PPP6R2: variants seen among roughly 807,000 people sequenced by gnomAD.
PPP6R2 encodes serine/threonine-protein phosphatase 6 regulatory subunit 2.
A neutral mutation model predicts 100.2 loss-of-function variants in PPP6R2; 62 were observed. That is an observed-to-expected ratio of 0.62 (90% CI 0.50 to 0.76). The LOEUF (loss-of-function observed/expected upper bound fraction) is 0.76, where lower values mean the gene tolerates loss of function less well. PPP6R2 is among the 30% of genes least tolerant of loss of function. PPP6R2 has a pLI of 0.00. For synonymous variants in PPP6R2, 525 were observed against 514.7 expected (o/e 1.02, Z -0.27); for missense variants, 1,142 against 1,276.3 (o/e 0.89, Z 1.60).
intron 6 of PPP6R2, among the ~76,000 whole-genome samples, chr22:50,416,622 T>G (rs1407299222): frequency 1.3e-5 from 2 of 151,900 alleles, no homozygotes; most frequent in African/African-American, 2.4e-5. Flanking sequence ...TGAGCCACCA[T>G]GCCTGGCCTA....
At chr22:50,437,368 A>C in intron 15 of PPP6R2, 138 bp from the exon 16 acceptor site, 1 of 681,546 alleles carries the variant, frequency 1.5e-6, no homozygotes, top group Admixed American at 2.2e-5. Flanking sequence ...CCCTGAACAG[A>C]GTTTACTGCC....
Position 50,431,239 on chromosome 22 carries a change from A to C in PPP6R2, c.1192A>C (p.Ile398Leu). Residue 398 changes from isoleucine (I) to leucine (L), a missense_variant, in exon 11 of 24, where the codon ATT becomes CTT. Ile to Leu is a conservative substitution (Grantham distance 5). Around this residue, in one of 2 missense-constraint regions of PPP6R2, gnomAD observed 592 missense variants for 758.9 expected, o/e 0.78. Transcript: ENST00000612753. The surrounding 1 kb of genome is among the most constrained non-coding windows in gnomAD (Gnocchi z 4.8). ...CCAAGTGGAACTATGCATAGCCGCT[A>C]TTCTCTCCCACGCTGCCCGTGAGGA... ...HFQVELCIAAILSHAAREERT... is the reference protein window; with the variant it reads ...HFQVELCIAALLSHAAREERT... 1 of 1,613,866 alleles carries C rather than the reference A, an allele frequency of 6.2e-7. No individual in the cohort carries two copies. The highest frequency in any genetic ancestry group is 8.5e-7 in the Non-Finnish European group (1 of 1,180,012).
rs2065454375 is a variant in PPP6R2 at position 50,441,002 on chromosome 22, C to T, written c.2555C>T (p.Ala852Val). ...GAGGCCCCCCCGCTGCCCACAGTGG[C>T]CAGGACAGAGGAGGCTGTCGGCAGG... ...GREAPPLPTV[A>V]RTEEAVGRVG... The change falls in exon 22 of 24, where the codon GCC becomes GTC. Residue 852 changes from alanine (A) to valine (V), a missense_variant. Ala to Val is a moderately conservative substitution (Grantham distance 64). Transcript: ENST00000612753. 5.0e-6 allele frequency: 8 copies of T among 1,604,726 alleles called. No individual in the cohort carries two copies. In the South Asian group the frequency reaches 7.7e-5, roughly 15 times the overall value.
chr22:50,411,184 A>G (rs2059691788), intron 4 of PPP6R2, among the ~76,000 whole-genome samples: 1 of 152,208 alleles, frequency 6.6e-6, no homozygotes, highest in Non-Finnish European at 1.5e-5. Flanking sequence ...CTTGGCCAGG[A>G]GCAGTGGCTC....
At chr22:50,416,193 C>G in intron 6 of PPP6R2, 36 bp downstream of exon 6, 2 of 1,580,082 alleles carry the variant, frequency 1.3e-6, no homozygotes, top group Non-Finnish European at 1.7e-6. Context: ...GTGCATCAGT[C>G]CAGGCCTGTG....
intron 4 of PPP6R2, among the ~76,000 whole-genome samples, chr22:50,412,606 GTTTC>G (rs1295089513): frequency 4.1e-5 from 4 of 96,896 alleles, no homozygotes; most frequent in African/African-American, 1.5e-4. Flanking sequence ...TTCTGATTTT[GTTTC>G]TTGTCAGTTT....
At chr22:50,421,758 A>G (rs1477027766) in intron 8 of PPP6R2, among the ~76,000 whole-genome samples, 3 of 152,002 alleles carry the variant, frequency 2.0e-5, no homozygotes, top group Non-Finnish European at 4.4e-5. Flanking sequence ...TAAAAATACA[A>G]AAAGGAGGCT....
intron 4 of PPP6R2, among the ~76,000 whole-genome samples, chr22:50,410,469 CTTTTTTTTTTTT>C (rs200178930): frequency 0.37 from 39,826 of 107,476 alleles, 6,499 homozygotes; most frequent in African/African-American, 0.51. Flanking sequence ...TGAGTGGTGT[CTTTTTTTTTTTT>C]TTTTTTTTTT....
At chr22:50,335,988 G>GT in the PPP6R2 span, among the ~76,000 whole-genome samples, 3 of 150,030 alleles carry the variant, frequency 2.0e-5, no homozygotes, top group African/African-American at 4.9e-5. Flanking sequence ...AATGTTGAAT[G>GT]TTTTTTTTCT....
intron 1 of PPP6R2, among the ~76,000 whole-genome samples, chr22:50,351,486 TC>T (rs2045252277): frequency 6.6e-6 from 1 of 151,408 alleles, no homozygotes; most frequent in African/African-American, 2.4e-5. Flanking sequence ...GCTATGAAAA[TC>T]CTAGATGGCA....
chr22:50,349,093 G>T (rs2044394805), intron 1 of PPP6R2, among the ~76,000 whole-genome samples: 1 of 151,260 alleles, frequency 6.6e-6, no homozygotes. Flanking sequence ...TACTCAGGAG[G>T]CTGGGGCAGG....
intron 19 of PPP6R2, among the ~76,000 whole-genome samples, 177 bp from the exon 20 acceptor site, chr22:50,439,524 G>A (rs117618957): frequency 0.014 from 2,063 of 152,196 alleles, 22 homozygotes; most frequent in Non-Finnish European, 0.022. Context: ...CAGGACCCTC[G>A]AGCTGTCCCC....
Position 50,439,864 on chromosome 22 carries a change from A to T in PPP6R2, c.2285+7A>T, listed in dbSNP as rs758993022. On this transcript the variant is annotated splice_region_variant and intron_variant, in intron 20 of 23. Coordinates refer to ENST00000612753, the MANE Select transcript of PPP6R2 (RefSeq NM_001242898.2). ...ACTTCCAACCTTTCTGCTGGTAACA[A>T]ATGCGCTGGCAGGAGGGGGCTGTGC... 6.2e-7 allele frequency: 1 copy of T among 1,611,644 alleles called. No homozygotes were observed. The highest frequency in any genetic ancestry group is 2.2e-5 in the East Asian group (1 of 44,820).
Position 50,421,880 on chromosome 22 carries a change from A to C in PPP6R2, c.846-374A>C, listed in dbSNP as rs7510895. ...GAGACTCTGGCTCAAAAAAAATAAA[A>C]ATAAATAAAAATAAAAGTCGACACA... On this transcript the variant is annotated intron_variant, in intron 8 of 23. Transcript: ENST00000612753. 4.3e-3 allele frequency among the ~76,000 whole-genome samples: 662 copies of C among 152,316 alleles called. 8 individuals carry two copies. Among genetic ancestry groups the C allele is most frequent in the African/African-American group, 0.015 (617 of 41,564 alleles).
intron 1 of PPP6R2, among the ~76,000 whole-genome samples, chr22:50,348,051 A>G (rs2044175198): frequency 6.6e-6 from 1 of 152,208 alleles, no homozygotes; most frequent in African/African-American, 2.4e-5. Flanking sequence ...AGAGGACAGC[A>G]CATGCAAAGG....
chr22:50,435,640 C>T (rs1221011121), intron 13 of PPP6R2, among the ~76,000 whole-genome samples: 1 of 152,178 alleles, frequency 6.6e-6, no homozygotes, highest in Non-Finnish European at 1.5e-5. Context: ...TGAGGAAGCT[C>T]TGGATAGTCC....
At chr22:50,403,139 G>A (rs1001092066) in intron 3 of PPP6R2, among the ~76,000 whole-genome samples, 4 of 152,218 alleles carry the variant, frequency 2.6e-5, no homozygotes, top group South Asian at 2.1e-4. Flanking sequence ...CCCGGGAGGC[G>A]GAGGTTGCAG....
At position 50,414,689 on chromosome 22, in the gene PPP6R2, C is replaced by T. The variant is rs544160556; in HGVS notation, c.552C>T (p.His184=). Residue 184 remains histidine, a splice_region_variant and synonymous_variant, in exon 5 of 24, where the codon CAC becomes CAT. Coordinates refer to ENST00000612753, the MANE Select transcript of PPP6R2 (RefSeq NM_001242898.2). ...EPAGLRQDVL[H]WLNEEKVIQR... ...CCGGGCTCCGGCAGGACGTCCTGCACGTGAGTGCGGGAGTCCCCCCCCGTT... is the reference window on the plus strand; with the variant it reads ...CCGGGCTCCGGCAGGACGTCCTGCATGTGAGTGCGGGAGTCCCCCCCCGTT... The T allele has an allele frequency of 1.2e-4, 198 of 1,603,482 alleles. No individual in the cohort carries two copies. The highest frequency in any genetic ancestry group is 5.2e-4 in the East Asian group (23 of 43,892).
intron 7 of PPP6R2, 147 bp downstream of exon 7, chr22:50,419,126 T>G (rs2060952875): frequency 1.3e-6 from 1 of 777,526 alleles, no homozygotes. Context: ...CATGTTAACT[T>G]GGGGCCTGTT....
Sources: gnomAD v4.1 joint callset for allele counts (sites outside exome capture counted in the v4.1 genomes callset) on GRCh38, gnomAD v4.1.1 for gene constraint, gnomAD v4.1.1 regional missense constraint, Gnocchi (gnomAD v3.1) non-coding constraint, MANE v1.5 for transcripts, NCBI Gene and HGNC (gene_info 2026-07-23, HGNC 2026-07-21) for gene names.